The following COBL variants were observed in gnomAD, a reference collection of about 807,000 sequenced individuals.
The protein encoded by COBL is protein cordon-bleu.
A neutral mutation model predicts 98.8 loss-of-function variants in COBL; 51 were observed. The observed-to-expected ratio is 0.52, with a 90% confidence interval of 0.41 to 0.65. COBL has a LOEUF of 0.65. Among genes scored for constraint, COBL ranks in the 30% least tolerant of loss-of-function variants. COBL has a pLI of 0.00. For missense variants in COBL, 1,617 were observed against 1,617.5 expected, an observed-to-expected ratio of 1.00 and a Z score of 0.01; for synonymous variants, 634 against 651.7, an observed-to-expected ratio of 0.97 and a Z score of 0.41.
chr7:51,207,387 C>T (rs1282564451), intron 2 of COBL, among the ~76,000 whole-genome samples: 1 of 152,170 alleles, frequency 6.6e-6, no homozygotes, highest in Non-Finnish European at 1.5e-5. Context: ...TGTCTCTGAA[C>T]TCAAAACATT....
chr7:51,105,070 G>A (rs1391584439), intron 6 of COBL, among the ~76,000 whole-genome samples: 1 of 151,994 alleles, frequency 6.6e-6, no homozygotes, highest in Non-Finnish European at 1.5e-5. Flanking sequence ...GTGACGTCAA[G>A]GAAAATTGTA....
At chr7:51,302,018 C>G (rs1249472429) in intron 1 of COBL, among the ~76,000 whole-genome samples, 1 of 152,202 alleles carries the variant, frequency 6.6e-6, no homozygotes, top group East Asian at 1.9e-4. Context: ...CTGGTTGGCT[C>G]TGACAGGTCT....
chr7:51,197,738 G>C (rs2129061977), intron 2 of COBL, among the ~76,000 whole-genome samples: 1 of 152,222 alleles, frequency 6.6e-6, no homozygotes, highest in Non-Finnish European at 1.5e-5. Context: ...ATGTCTTCTT[G>C]CTGAATTTAA....
intron 6 of COBL, among the ~76,000 whole-genome samples, chr7:51,090,810 C>T (rs1225840961): frequency 6.6e-6 from 1 of 152,198 alleles, no homozygotes. Flanking sequence ...ACAGACAAAA[C>T]TGAAATACTA....
chr7:51,297,841 G>C lies in COBL; in HGVS notation c.41+18752C>G, dbSNP rs117494155. On this transcript the variant is annotated intron_variant, in intron 1 of 12. Transcript: ENST00000265136. ...GTCTCCTCTTCAGAGGCCACTCGATGTATGTTTTTAATGCGTCTTCACTAG... is the reference window on the plus strand; with the variant it reads ...GTCTCCTCTTCAGAGGCCACTCGATCTATGTTTTTAATGCGTCTTCACTAG... Among the ~76,000 whole-genome samples the C allele has an allele frequency of 1.7e-4, 26 of 152,328 alleles. No individual in the cohort carries two copies. The East Asian group carries it at 4.8e-3, about 28-fold the overall frequency.
At chr7:51,132,559 T>C (rs1798845876) in intron 6 of COBL, among the ~76,000 whole-genome samples, 1 of 152,160 alleles carries the variant, frequency 6.6e-6, no homozygotes, top group African/African-American at 2.4e-5. Flanking sequence ...GAGGAAACCA[T>C]GAGCAAATAA....
chr7:51,279,644 C>T (rs181431646), intron 1 of COBL, among the ~76,000 whole-genome samples: 4 of 152,314 alleles, frequency 2.6e-5, no homozygotes, highest in South Asian at 2.1e-4. Flanking sequence ...TATCACCCAG[C>T]GTCCACAACC....
At chr7:51,042,526 A>C (rs143783006) in intron 8 of COBL, among the ~76,000 whole-genome samples, 1,599 of 151,882 alleles carry the variant, frequency 0.011, 12 homozygotes, top group Non-Finnish European at 0.017. Context: ...CACTCAGCTA[A>C]TTTTTAAATT....
chr7:51,297,137 A>G (rs2129196906), intron 1 of COBL, among the ~76,000 whole-genome samples: 1 of 152,218 alleles, frequency 6.6e-6, no homozygotes, highest in South Asian at 2.1e-4. Context: ...ACTCGGCTGC[A>G]CATCCCTGGT....
At chr7:51,098,140 G>A (rs1354688879) in intron 6 of COBL, among the ~76,000 whole-genome samples, 2 of 148,650 alleles carry the variant, frequency 1.3e-5, no homozygotes, top group African/African-American at 5.0e-5. Context: ...TTTCATGAAA[G>A]TATTAATAAT....
At chr7:51,133,909 G>A (rs1037677017) in intron 6 of COBL, among the ~76,000 whole-genome samples, 2 of 152,154 alleles carry the variant, frequency 1.3e-5, no homozygotes, top group African/African-American at 4.8e-5. Flanking sequence ...CCACCGTTAG[G>A]ACTTGAAGAA....
chr7:51,279,304 G>A (rs960706600), intron 1 of COBL, among the ~76,000 whole-genome samples: 15 of 152,098 alleles, frequency 9.9e-5, no homozygotes, highest in African/African-American at 3.6e-4. Context: ...AAGACTAAAG[G>A]GAATGGGTGG....
intron 1 of COBL, among the ~76,000 whole-genome samples, chr7:51,242,573 C>T (rs534827498): frequency 4.6e-5 from 7 of 152,116 alleles, no homozygotes; most frequent in Admixed American, 3.3e-4. Flanking sequence ...AGCTGTCCAC[C>T]GACCCTGCTA....
chr7:51,224,831 C>T (rs935584938), intron 1 of COBL, among the ~76,000 whole-genome samples: 2 of 152,252 alleles, frequency 1.3e-5, no homozygotes, highest in East Asian at 1.9e-4. Flanking sequence ...CCACCATACC[C>T]GGCTAATTTG....
At position 51,291,148 on chromosome 7, in the gene COBL, T is replaced by C. The variant is rs147844908; in HGVS notation, c.41+25445A>G. ...CCATCGCGAGGCAGCGAAGAAAGAC[T>C]GAGGGGCACAGCGGGGAACAGGCAT... On this transcript the variant is annotated intron_variant, in intron 1 of 12. Coordinates refer to ENST00000265136, the MANE Select transcript of COBL (RefSeq NM_015198.5). Among the ~76,000 whole-genome samples, 211 of 152,024 alleles carry C rather than the reference T, an allele frequency of 1.4e-3. 1 individual carries two copies. Among genetic ancestry groups the C allele is most frequent in the East Asian group, 4.5e-3 (23 of 5,142 alleles).
chr7:51,143,945 A>C (rs1784791148), intron 5 of COBL, among the ~76,000 whole-genome samples: 1 of 152,216 alleles, frequency 6.6e-6, no homozygotes, highest in Admixed American at 6.5e-5. Flanking sequence ...ACCATTCATC[A>C]CTACCTATAT....
rs530756086 is a variant in COBL at position 51,191,588 on chromosome 7, TAC to T, written c.457-512_457-511del. On this transcript the variant is annotated intron_variant, in intron 3 of 12. Coordinates refer to ENST00000265136, the MANE Select transcript of COBL (RefSeq NM_015198.5). ...ATATATACTGTATATATGTACTATATACACACATATATGAAACATATACAGTG... is the reference window on the plus strand; with the variant it reads ...ATATATACTGTATATATGTACTATATACACATATATGAAACATATACAGTG... 2.4e-3 allele frequency among the ~76,000 whole-genome samples: 363 copies of T among 151,402 alleles called. 1 individual carries two copies. The highest frequency in any genetic ancestry group is 8.5e-3 in the African/African-American group (353 of 41,338).
intron 1 of COBL, among the ~76,000 whole-genome samples, chr7:51,240,615 C>T (rs1322639698): frequency 1.3e-5 from 2 of 152,068 alleles, no homozygotes; most frequent in African/African-American, 2.4e-5. Context: ...GGCGCGATCG[C>T]GGCTCACTAC....
At chr7:51,234,195 C>T (rs1035890498) in intron 1 of COBL, among the ~76,000 whole-genome samples, 1 of 152,210 alleles carries the variant, frequency 6.6e-6, no homozygotes, top group Non-Finnish European at 1.5e-5. Context: ...TGAACTGTCT[C>T]TCAAAATAGA....
Sources: gnomAD v4.1 joint callset for allele counts (sites outside exome capture counted in the v4.1 genomes callset) on GRCh38, gnomAD v4.1.1 for gene constraint, MANE v1.5 for transcripts, NCBI Gene and HGNC (gene_info 2026-07-23, HGNC 2026-07-21) for gene names.